The following LAMC1 variants were observed in gnomAD, a reference collection of about 807,000 sequenced individuals.
LAMC1 encodes the protein laminin subunit gamma-1.
Under a neutral mutation model 173.6 loss-of-function variants are expected in LAMC1, and 38 were observed. The observed-to-expected ratio is 0.22, with a 90% CI of 0.17 to 0.29. The LOEUF (loss-of-function observed/expected upper bound fraction) is 0.29. Among genes scored for constraint, LAMC1 ranks in the 10% least tolerant of loss-of-function variants. The probability of loss-of-function intolerance (pLI) is 1.00; values close to 1 mark genes in which losing one functional copy is unlikely to be tolerated. For missense variants in LAMC1, 1,824 were observed against 2,051.8 expected, an observed-to-expected ratio of 0.89 and a Z score of 2.14; for synonymous variants, 746 against 749.1, an observed-to-expected ratio of 1.00 and a Z score of 0.07.
At chr1:183,131,781 A>G (rs912862059) in intron 20 of LAMC1, among the ~76,000 whole-genome samples, 1 of 152,204 alleles carries the variant, frequency 6.6e-6, no homozygotes, top group African/African-American at 2.4e-5. Flanking sequence ...ACACAATTTT[A>G]TATGTACATT....
rs990249568 is a variant in LAMC1, at chr1:183,117,070, G to T, written c.1564+167G>T. The T allele has an allele frequency of 6.6e-6, 5 of 758,848 alleles. No homozygotes were observed. In the East Asian group the frequency reaches 1.4e-4, roughly 21 times the overall value. The allele number at this position is 758,848 out of a possible 1,614,324, so 47.0% of individuals were successfully genotyped here. A position where few individuals can be genotyped will look rare whatever the true frequency, so the allele number is the denominator to read the frequency against. On this transcript the variant is annotated intron_variant, in intron 8 of 27. Coordinates refer to ENST00000258341, the MANE Select transcript of LAMC1 (RefSeq NM_002293.4). Reference sequence around the variant, plus strand: ...TTTGGCCTTTTAATTTAATGAAAATGTACTTTTGGCTTTAGAATTTATCTC... The same window carrying T: ...TTTGGCCTTTTAATTTAATGAAAATTTACTTTTGGCTTTAGAATTTATCTC...
intron 2 of LAMC1, among the ~76,000 whole-genome samples, chr1:183,106,410 C>T (rs924141383): frequency 6.6e-6 from 1 of 152,108 alleles, no homozygotes; most frequent in Non-Finnish European, 1.5e-5. Flanking sequence ...GTCTCTTTTC[C>T]TTTCTAATTA....
At chr1:183,117,838 G>T (rs1280911054) in intron 10 of LAMC1, 115 bp downstream of exon 10, 2 of 979,828 alleles carry the variant, frequency 2.0e-6, no homozygotes, top group African/African-American at 3.3e-5. Context: ...GGGTTATTGT[G>T]GTGATTTTGT....
intron 1 of LAMC1, among the ~76,000 whole-genome samples, chr1:183,081,136 A>G (rs946238537): frequency 2.0e-5 from 3 of 151,896 alleles, no homozygotes; most frequent in African/African-American, 7.3e-5. Context: ...ATCCGCCTGC[A>G]TCGGCCTCCC....
chr1:183,036,561 C>T (rs1653989593), intron 1 of LAMC1, among the ~76,000 whole-genome samples: 1 of 151,776 alleles, frequency 6.6e-6, no homozygotes, highest in Admixed American at 6.6e-5. Flanking sequence ...TGCCACCACA[C>T]CCAGCTAATT....
chr1:183,030,198 A>T (rs1653813131), intron 1 of LAMC1, among the ~76,000 whole-genome samples: 1 of 152,246 alleles, frequency 6.6e-6, no homozygotes, highest in Non-Finnish European at 1.5e-5. Context: ...CAATAAGGGC[A>T]GAGTTGAGTA....
At chr1:183,121,505 T>C (rs531161412) in intron 11 of LAMC1, among the ~76,000 whole-genome samples, 122 of 151,070 alleles carry the variant, frequency 8.1e-4, no homozygotes, top group African/African-American at 2.8e-3. Flanking sequence ...TCCAGATACT[T>C]AGCACTCAGT....
intron 1 of LAMC1, among the ~76,000 whole-genome samples, chr1:183,099,653 T>C (rs1303487828): frequency 2.6e-5 from 4 of 152,064 alleles, no homozygotes; most frequent in Admixed American, 1.3e-4. Context: ...GCTGTGAATG[T>C]TTGTGCACCT....
At chr1:183,132,689 T>C (rs1656829935) in intron 21 of LAMC1, 152 bp downstream of exon 21, 1 of 623,116 alleles carries the variant, frequency 1.6e-6, no homozygotes, top group Non-Finnish European at 2.7e-6. Flanking sequence ...GAAAAGTAAG[T>C]AGAGAAGGGC....
chr1:183,079,112 CAGAA>C (rs917555873), intron 1 of LAMC1, among the ~76,000 whole-genome samples: 33 of 118,522 alleles, frequency 2.8e-4, no homozygotes, highest in African/African-American at 9.2e-4. Context: ...TATTTTTAGA[CAGAA>C]CCATTGCTAC....
intron 1 of LAMC1, among the ~76,000 whole-genome samples, chr1:183,051,003 C>G (rs1199591369): frequency 6.6e-6 from 1 of 151,318 alleles, no homozygotes; most frequent in Non-Finnish European, 1.5e-5. Context: ...AATATCTGTT[C>G]CTCTGAGAAT....
At chr1:183,059,254 C>A (rs563358521) in intron 1 of LAMC1, among the ~76,000 whole-genome samples, 28 of 152,328 alleles carry the variant, frequency 1.8e-4, no homozygotes, top group African/African-American at 6.3e-4. Flanking sequence ...TCAGGCTCAG[C>A]TTCCTGGTTT....
At chr1:183,113,789 C>G (rs997741170) in intron 4 of LAMC1, among the ~76,000 whole-genome samples, 2 of 152,180 alleles carry the variant, frequency 1.3e-5, no homozygotes, top group African/African-American at 4.8e-5. Flanking sequence ...TTTGACTCAT[C>G]TGAGGCCTAA....
At chr1:183,029,516 C>T (rs541533283) in intron 1 of LAMC1, among the ~76,000 whole-genome samples, 3 of 152,304 alleles carry the variant, frequency 2.0e-5, no homozygotes, top group African/African-American at 2.4e-5. Flanking sequence ...AACTCCTTGG[C>T]GTGGTGTACA....
chr1:183,136,725 T>A, intron 25 of LAMC1, 140 bp downstream of exon 25: 1 of 692,736 alleles, frequency 1.4e-6, no homozygotes, highest in Non-Finnish European at 2.4e-6. Context: ...TTTGTCTTTT[T>A]TTTTTTCTTT....
chr1:183,081,576 ATAAAT>A (rs1655278769), intron 1 of LAMC1, among the ~76,000 whole-genome samples: 1 of 151,006 alleles, frequency 6.6e-6, no homozygotes, highest in African/African-American at 2.4e-5. Flanking sequence ...AAATAAATAA[ATAAAT>A]AAATAAATAA....
At chr1:183,122,516 G>C (rs769429786) in intron 13 of LAMC1, among the ~76,000 whole-genome samples, 2 of 152,028 alleles carry the variant, frequency 1.3e-5, no homozygotes, top group Non-Finnish European at 2.9e-5. Context: ...TCATCTTGAG[G>C]CTTCAAAAGC....
rs1433142186 is a variant in LAMC1 at position 183,143,693 on chromosome 1, T to C, written c.*903T>C. 1 of 152,246 alleles carries C rather than the reference T, an allele frequency of 6.6e-6. No individual in the cohort carries two copies. Among genetic ancestry groups the C allele is most frequent in the Non-Finnish European group, 1.5e-5 (1 of 68,038 alleles). The allele number at this position is 152,246 out of a possible 1,614,324, so 9.4% of individuals were successfully genotyped here. A position where few individuals can be genotyped will look rare whatever the true frequency, so the allele number is the denominator to read the frequency against. On this transcript the variant is annotated 3_prime_UTR_variant, in exon 28 of 28. Coordinates refer to ENST00000258341, the MANE Select transcript of LAMC1 (RefSeq NM_002293.4). ...TATTAGTTAGTCTTGGAACTAGTGT[T>C]AAGTATCTGGCAGAGAACAGTTAAT...
Position 183,039,072 on chromosome 1 carries a change from T to C in LAMC1, c.418+14938T>C, listed in dbSNP as rs559515898. ...GTGCATCTGTGCTACCATTCTTCAG[T>C]GGTTCCCATCCATCATACCCCTATT... On this transcript the variant is annotated intron_variant, in intron 1 of 27. Transcript: ENST00000258341. Among the ~76,000 whole-genome samples, 320 of 152,272 alleles carry C rather than the reference T, an allele frequency of 2.1e-3. 3 individuals carry two copies. Among genetic ancestry groups the C allele is most frequent in the African/African-American group, 7.5e-3 (312 of 41,542 alleles).
Sources: gnomAD v4.1 joint callset for allele counts (sites outside exome capture counted in the v4.1 genomes callset) on GRCh38, gnomAD v4.1.1 for gene constraint, MANE v1.5 for transcripts, NCBI Gene and HGNC (gene_info 2026-07-23, HGNC 2026-07-21) for gene names.